AGAP1: variants seen among roughly 807,000 people sequenced by gnomAD.
AGAP1 encodes the protein arf-GAP with GTPase, ANK repeat and PH domain-containing protein 1.
Under a neutral mutation model 105.3 loss-of-function variants are expected in AGAP1, and 29 were observed. The ratio of observed to expected loss-of-function variants is 0.28; its 90% confidence interval spans 0.21 to 0.38. AGAP1 has a LOEUF of 0.38. Ranked by LOEUF, AGAP1 falls within the 10% of genes least tolerant of loss-of-function variation. The pLI, the probability that AGAP1 is intolerant of heterozygous loss-of-function variation, is 1.00. For synonymous variants in AGAP1, 509 were observed against 485.9 expected (o/e 1.05, Z -0.63); for missense variants, 998 against 1,165.1 (o/e 0.86, Z 2.09).
chr2:235,575,870 T>C (rs1280578056), intron 1 of AGAP1, among the ~76,000 whole-genome samples: 2 of 152,242 alleles, frequency 1.3e-5, no homozygotes. Flanking sequence ...TCTGTCTCCA[T>C]TGAATTGTCT....
At position 235,714,354 on chromosome 2, in the gene AGAP1, T is replaced by G. The variant is rs948557894; in HGVS notation, c.223-3203T>G. On this transcript the variant is annotated intron_variant, in intron 2 of 17. Transcript: ENST00000304032. The surrounding 1 kb of genome is among the most constrained non-coding windows in gnomAD (Gnocchi z 4.1). ...CAACATATGAGTTTGGCTGGGAGTGTGGGGGTAGGACGGGGAAGCACAAAC... is the reference window on the plus strand; with the variant it reads ...CAACATATGAGTTTGGCTGGGAGTGGGGGGGTAGGACGGGGAAGCACAAAC... Among the ~76,000 whole-genome samples, 2 of 151,632 alleles carry G rather than the reference T, an allele frequency of 1.3e-5. No homozygotes were observed. The highest frequency in any genetic ancestry group is 4.8e-5 in the African/African-American group (2 of 41,256).
intron 10 of AGAP1, among the ~76,000 whole-genome samples, chr2:235,886,923 C>T (rs1356944756): frequency 6.6e-6 from 1 of 152,132 alleles, no homozygotes. Flanking sequence ...AGGGGAAGTG[C>T]TGACCCACAC....
In AGAP1 at chr2:235,963,468, A is replaced by G. The variant is rs765554373; in HGVS notation, c.1484-4994A>G. ...AGTTTATTAAAGAGAATGAATAGACATCAAATAGATGGCCCTTTATCGTTT... is the reference window on the plus strand; with the variant it reads ...AGTTTATTAAAGAGAATGAATAGACGTCAAATAGATGGCCCTTTATCGTTT... On this transcript the variant is annotated intron_variant, in intron 12 of 17. Coordinates refer to ENST00000304032, the MANE Select transcript of AGAP1 (RefSeq NM_001037131.3). The surrounding 1 kb of genome is among the most constrained non-coding windows in gnomAD (Gnocchi z 5.1). Among the ~76,000 whole-genome samples, 3 of 152,204 alleles carry G rather than the reference A, an allele frequency of 2.0e-5. No individual in the cohort carries two copies. The highest frequency in any genetic ancestry group is 4.4e-5 in the Non-Finnish European group (3 of 68,026).
At chr2:235,507,565 C>T (rs1296383585) in intron 1 of AGAP1, 1 of 152,214 alleles carries the variant, frequency 6.6e-6, no homozygotes, top group East Asian at 1.9e-4. Context: ...TCCGTAATAG[C>T]ACCTGCCGCT....
At chr2:235,710,074 A>G (rs1162081850) in intron 2 of AGAP1, among the ~76,000 whole-genome samples, 1 of 152,212 alleles carries the variant, frequency 6.6e-6, no homozygotes, top group African/African-American at 2.4e-5. Flanking sequence ...CCGTGAAAGC[A>G]AAGCAGATGA....
Position 235,977,171 on chromosome 2 carries a change from G to A in AGAP1, c.1645+8548G>A, listed in dbSNP as rs1042663294. Among the ~76,000 whole-genome samples, 4 of 152,156 alleles carry A rather than the reference G, an allele frequency of 2.6e-5. No individual in the cohort carries two copies. Among genetic ancestry groups the A allele is most frequent in the African/African-American group, 7.2e-5 (3 of 41,436 alleles). On this transcript the variant is annotated intron_variant, in intron 13 of 17. Coordinates refer to ENST00000304032, the MANE Select transcript of AGAP1 (RefSeq NM_001037131.3). The surrounding 1 kb of genome is among the most constrained non-coding windows in gnomAD (Gnocchi z 5.2). ...AACTCGGGGCACCGTGTTTTCCTGT[G>A]TGCACCCTGGGATTGGAATTCGGGC...
rs2050147856 is a variant in AGAP1 at position 235,883,917 on chromosome 2, A to G, written c.1155+468A>G. ...ATAACACATTCCAGTGCATTAGGCAAAAGAAACTCTCCTCTTTGTGTTATA... is the reference window on the plus strand; with the variant it reads ...ATAACACATTCCAGTGCATTAGGCAGAAGAAACTCTCCTCTTTGTGTTATA... On this transcript the variant is annotated intron_variant, in intron 10 of 17. Transcript: ENST00000304032. The surrounding 1 kb of genome is among the most constrained non-coding windows in gnomAD (Gnocchi z 4.5). 6.6e-6 allele frequency among the ~76,000 whole-genome samples: 1 copy of G among 152,230 alleles called. No homozygotes were observed. Among genetic ancestry groups the G allele is most frequent in the South Asian group, 2.1e-4 (1 of 4,832 alleles).
rs1019531945 is a variant in AGAP1 at position 236,105,914 on chromosome 2, T to A, written c.2115-14278T>A. Among the ~76,000 whole-genome samples the A allele has an allele frequency of 6.6e-6, 1 of 152,118 alleles. No individual in the cohort carries two copies. Among genetic ancestry groups the A allele is most frequent in the African/African-American group, 2.4e-5 (1 of 41,430 alleles). ...GCCCGGCCCCTCTTGTGCCTCTTCT[T>A]ATAAGAGTGAGAATCCCATTCATGG... On this transcript the variant is annotated intron_variant, in intron 16 of 17. Coordinates refer to ENST00000304032, the MANE Select transcript of AGAP1 (RefSeq NM_001037131.3). The surrounding 1 kb of genome is among the most constrained non-coding windows in gnomAD (Gnocchi z 4.2).
chr2:235,766,334 CGT>C (rs2149814707), intron 6 of AGAP1, among the ~76,000 whole-genome samples: 1 of 152,268 alleles, frequency 6.6e-6, no homozygotes, highest in Non-Finnish European at 1.5e-5. Flanking sequence ...CTAGAAGGAC[CGT>C]ATGGCCCATG....
intron 1 of AGAP1, among the ~76,000 whole-genome samples, chr2:235,644,877 C>G (rs1003012640): frequency 4.6e-5 from 7 of 151,992 alleles, no homozygotes; most frequent in Non-Finnish European, 7.4e-5. Flanking sequence ...AGTGGAGCAA[C>G]AGCAATCAAG....
At chr2:236,004,882 C>G (rs1459580892) in intron 13 of AGAP1, among the ~76,000 whole-genome samples, 1 of 152,190 alleles carries the variant, frequency 6.6e-6, no homozygotes, top group Non-Finnish European at 1.5e-5. Flanking sequence ...TCTGTATGTA[C>G]TCCAAGCTAT....
rs888094154 is a variant in AGAP1 at position 235,746,411 on chromosome 2, T to A, written c.538+1572T>A. 2.0e-4 allele frequency among the ~76,000 whole-genome samples: 23 copies of A among 113,136 alleles called. No homozygotes were observed. The East Asian group carries it at 2.2e-3, about 11-fold the overall frequency. The allele number at this position is 113,136 out of a possible 152,430, so 74.2% of individuals were successfully genotyped here. ...TTTTTTTTTTTTTTTTTTTTTTTTT[T>A]AAAGCGTACGTGGTCGCTCTCACTC... On this transcript the variant is annotated intron_variant, in intron 5 of 17. Transcript: ENST00000304032.
At chr2:235,656,201 AT>A (rs1276958593) in intron 1 of AGAP1, among the ~76,000 whole-genome samples, 8 of 152,166 alleles carry the variant, frequency 5.3e-5, no homozygotes. Context: ...TTGTACCTTG[AT>A]GGAGACAGAT....
intron 1 of AGAP1, among the ~76,000 whole-genome samples, chr2:235,677,984 T>C (rs113611006): frequency 6.0e-4 from 75 of 125,788 alleles, no homozygotes; most frequent in African/African-American, 1.9e-3. Flanking sequence ...TGTGAAAATA[T>C]GCAAAGCAGA....
At position 235,553,464 on chromosome 2, in the gene AGAP1, A is replaced by G. The variant is rs548641593; in HGVS notation, c.163+58615A>G. On this transcript the variant is annotated intron_variant, in intron 1 of 17. Coordinates refer to ENST00000304032, the MANE Select transcript of AGAP1 (RefSeq NM_001037131.3). The surrounding 1 kb of genome is among the most constrained non-coding windows in gnomAD (Gnocchi z 4.5). Reference sequence around the variant, plus strand: ...ATGATTGTGTTGCTAGGATTAGTTAAGAACTGATTTGAGGTCACTAGCACA... The same window carrying G: ...ATGATTGTGTTGCTAGGATTAGTTAGGAACTGATTTGAGGTCACTAGCACA... Among the ~76,000 whole-genome samples, 5 of 152,204 alleles carry G rather than the reference A, an allele frequency of 3.3e-5. No homozygotes were observed.
Position 236,096,878 on chromosome 2 carries a change from C to A in AGAP1, c.2115-23314C>A, listed in dbSNP as rs2059205070. 6.6e-6 allele frequency among the ~76,000 whole-genome samples: 1 copy of A among 152,182 alleles called. No individual in the cohort carries two copies. The highest frequency in any genetic ancestry group is 2.4e-5 in the African/African-American group (1 of 41,438). ...TACAGGCGTGAGCCACCCTGCCGGG[C>A]CAAATGATGCACTTTTAAACTGAAG... On this transcript the variant is annotated intron_variant, in intron 16 of 17. Transcript: ENST00000304032. This position sits in a 1 kb window ranked among gnomAD's most constrained non-coding sequence, Gnocchi z 4.4.
chr2:235,978,036 GCA>G (rs143712869), intron 13 of AGAP1, among the ~76,000 whole-genome samples: 2 of 151,924 alleles, frequency 1.3e-5, no homozygotes, highest in East Asian at 1.9e-4. Flanking sequence ...TCTGTGGTGT[GCA>G]CACACACACA....
At position 236,040,221 on chromosome 2, in the gene AGAP1, C is replaced by T. The variant is rs1378091791; in HGVS notation, c.1801-530C>T. On this transcript the variant is annotated intron_variant, in intron 14 of 17. Coordinates refer to ENST00000304032, the MANE Select transcript of AGAP1 (RefSeq NM_001037131.3). This position sits in a 1 kb window ranked among gnomAD's most constrained non-coding sequence, Gnocchi z 5.6. ...GTGTTTCTCCCTGCCCCCACCCTGG[C>T]GAGTGGCTTTGTCACTGTGGCAACC... 3.9e-5 allele frequency among the ~76,000 whole-genome samples: 6 copies of T among 152,160 alleles called. No homozygotes were observed. Among genetic ancestry groups the T allele is most frequent in the South Asian group, 4.2e-4 (2 of 4,818 alleles).
At position 235,751,763 on chromosome 2, in the gene AGAP1, G is replaced by A. The variant is rs569374087; in HGVS notation, c.673+1275G>A. 1.4e-4 allele frequency among the ~76,000 whole-genome samples: 21 copies of A among 152,258 alleles called. No homozygotes were observed. Among genetic ancestry groups the A allele is most frequent in the Admixed American group, 7.2e-4 (11 of 15,302 alleles). ...CAGATACTTACCTGTTTTTCAGCAC[G>A]TTGGTCCTAGTTACTGCTTCATGGC... On this transcript the variant is annotated intron_variant, in intron 6 of 17. Transcript: ENST00000304032. This position sits in a 1 kb window ranked among gnomAD's most constrained non-coding sequence, Gnocchi z 5.3.
Sources: allele counts gnomAD v4.1 joint callset (sites outside exome capture counted in the v4.1 genomes callset), GRCh38; gene constraint gnomAD v4.1.1; non-coding constraint Gnocchi (gnomAD v3.1); transcripts MANE v1.5; gene names NCBI Gene and HGNC (gene_info 2026-07-23, HGNC 2026-07-21).